CCDC85C: variants seen among roughly 807,000 people sequenced by gnomAD.
The protein encoded by CCDC85C is coiled-coil domain-containing protein 85C.
A neutral mutation model predicts 38.3 loss-of-function variants in CCDC85C; 18 were observed. That is an observed-to-expected ratio of 0.47 (90% confidence interval 0.33 to 0.70). The LOEUF is 0.70. Among genes scored for constraint, CCDC85C ranks in the 30% least tolerant of loss-of-function variants. CCDC85C has a pLI of 0.03. For missense variants in CCDC85C, 566 were observed against 621.2 expected, an observed-to-expected ratio of 0.91 and a Z score of 0.94; for synonymous variants, 264 against 293.8, an observed-to-expected ratio of 0.90 and a Z score of 1.04.
chr14:99,547,217 A>G (rs1179287426), intron 1 of CCDC85C, among the ~76,000 whole-genome samples: 1 of 152,194 alleles, frequency 6.6e-6, no homozygotes, highest in Non-Finnish European at 1.5e-5. Flanking sequence ...AATAATAAAA[A>G]TAACAAAAAC....
At position 99,604,101 on chromosome 14, in the gene CCDC85C, T is replaced by C; in HGVS notation, c.-142A>G. The C allele has an allele frequency of 1.5e-6, 1 of 651,686 alleles. No homozygotes were observed. The highest frequency in any genetic ancestry group is 1.9e-6 in the Non-Finnish European group (1 of 532,726). The allele number at this position is 651,686 out of a possible 1,614,324, so 40.4% of individuals were successfully genotyped here. A position where few individuals can be genotyped will look rare whatever the true frequency, so the allele number is the denominator to read the frequency against. On this transcript the variant is annotated 5_prime_UTR_variant, in exon 1 of 6. Coordinates refer to ENST00000380243, the MANE Select transcript of CCDC85C (RefSeq NM_001144995.2). Reference sequence around the variant, plus strand: ...CCGCCCCGCGCCGCCTGGCGCGTCCTCTCGCCGCGCCCGCCGGGGCCGCCC... The same window carrying C: ...CCGCCCCGCGCCGCCTGGCGCGTCCCCTCGCCGCGCCCGCCGGGGCCGCCC...
At chr14:99,563,181 A>C (rs1306745105) in intron 1 of CCDC85C, among the ~76,000 whole-genome samples, 1 of 152,274 alleles carries the variant, frequency 6.6e-6, no homozygotes, top group Non-Finnish European at 1.5e-5. Context: ...CCCAAGAAGC[A>C]ATAAAACAGA....
intron 1 of CCDC85C, among the ~76,000 whole-genome samples, chr14:99,579,757 G>A (rs2054945141): frequency 6.6e-6 from 1 of 152,172 alleles, no homozygotes; most frequent in South Asian, 2.1e-4. Flanking sequence ...GTCCCCACAT[G>A]TCAGCTCCTG....
Position 99,510,133 on chromosome 14 carries a change from C to T in CCDC85C, c.*5113G>A. 6.3e-7 allele frequency: 1 copy of T among 1,581,754 alleles called. No homozygotes were observed. Among genetic ancestry groups the T allele is most frequent in the Admixed American group, 1.7e-5 (1 of 57,314 alleles). On this transcript the variant is annotated 3_prime_UTR_variant, in exon 6 of 6. Transcript: ENST00000380243. ...GCAACCATTGCTGGCGGAGGCCGGG[C>T]ACTGATGCGTCTCTCTCCTGCAGAC...
At chr14:99,551,914 G>A (rs911619640) in intron 1 of CCDC85C, among the ~76,000 whole-genome samples, 4 of 152,226 alleles carry the variant, frequency 2.6e-5, no homozygotes, top group East Asian at 1.9e-4. Context: ...TGGGACCAGC[G>A]ACAGCAGCCA....
chr14:99,598,223 C>A (rs1382342979), intron 1 of CCDC85C, among the ~76,000 whole-genome samples: 1 of 152,216 alleles, frequency 6.6e-6, no homozygotes, highest in Non-Finnish European at 1.5e-5. Flanking sequence ...TCCCACTTGG[C>A]AAAAGAGAAA....
Position 99,535,941 on chromosome 14 carries a change from G to T in CCDC85C, c.867+74C>A. 8.9e-7 allele frequency: 1 copy of T among 1,127,876 alleles called. No individual in the cohort carries two copies. The highest frequency in any genetic ancestry group is 2.0e-5 in the Admixed American group (1 of 50,318). The allele number at this position is 1,127,876 out of a possible 1,614,324, so 69.9% of individuals were successfully genotyped here. A position where few individuals can be genotyped will look rare whatever the true frequency, so the allele number is the denominator to read the frequency against. On this transcript the variant is annotated intron_variant, in intron 2 of 5. Coordinates refer to ENST00000380243, the MANE Select transcript of CCDC85C (RefSeq NM_001144995.2). The surrounding 1 kb of genome is among the most constrained non-coding windows in gnomAD (Gnocchi z 5.5). Reference sequence around the variant, plus strand: ...GGACAGCCTAGGTCCCAAGGGGAAGGGTGCCCTGGGTGAGCTGGAGGGGTG... The same window carrying T: ...GGACAGCCTAGGTCCCAAGGGGAAGTGTGCCCTGGGTGAGCTGGAGGGGTG...
chr14:99,524,200 C>T (rs4905842), intron 2 of CCDC85C, among the ~76,000 whole-genome samples: 2,090 of 152,158 alleles, frequency 0.014, 14 homozygotes, highest in Non-Finnish European at 0.022. Flanking sequence ...CCAGCACACA[C>T]TCTGAATGCG....
At chr14:99,594,462 C>T (rs1487715969) in intron 1 of CCDC85C, among the ~76,000 whole-genome samples, 3 of 152,222 alleles carry the variant, frequency 2.0e-5, no homozygotes, top group Non-Finnish European at 4.4e-5. Context: ...CAGTGGGACC[C>T]ATGTGGTCAC....
Position 99,572,879 on chromosome 14 carries a change from G to A in CCDC85C, c.793+30288C>T, listed in dbSNP as rs1159900663. 2 of 453,544 alleles carry A rather than the reference G, an allele frequency of 4.4e-6. No homozygotes were observed. Among genetic ancestry groups the A allele is most frequent in the Admixed American group, 4.7e-5 (2 of 42,506 alleles). 28.1% of individuals were successfully genotyped at this position (453,544 alleles called of 1,614,324 possible). ...GTAAACGGCTAAGGAAGGAATGTCT[G>A]CCCAAGTCCCAGGCAGGGTGGGAGG... is the stretch of plus-strand genomic sequence containing the variant. On this transcript the variant is annotated intron_variant, in intron 1 of 5. Transcript: ENST00000380243. This position sits in a 1 kb window ranked among gnomAD's most constrained non-coding sequence, Gnocchi z 4.4.
chr14:99,521,688 G>A (rs373100187), intron 3 of CCDC85C, among the ~76,000 whole-genome samples: 25 of 152,182 alleles, frequency 1.6e-4, no homozygotes, highest in African/African-American at 5.1e-4. Flanking sequence ...TCCACTTCCC[G>A]GGAGCTGGCT....
At chr14:99,578,574 T>C (rs1436999599) in intron 1 of CCDC85C, among the ~76,000 whole-genome samples, 1 of 152,200 alleles carries the variant, frequency 6.6e-6, no homozygotes, top group Admixed American at 6.5e-5. Context: ...CTATGTCCCC[T>C]GTCACTGTGT....
intron 1 of CCDC85C, among the ~76,000 whole-genome samples, chr14:99,542,091 C>G (rs12896255): frequency 0.31 from 47,398 of 152,198 alleles, 7,619 homozygotes; most frequent in South Asian, 0.43. Flanking sequence ...CTGCCCAGCA[C>G]CTCCATGGGC....
At chr14:99,577,607 A>C (rs76640421) in intron 1 of CCDC85C, among the ~76,000 whole-genome samples, 2,024 of 151,978 alleles carry the variant, frequency 0.013, 46 homozygotes, top group African/African-American at 0.046. Flanking sequence ...GAAGGAGTGA[A>C]GTGTGTGTCT....
chr14:99,568,264 T>TTTTTTTTC lies in CCDC85C; in HGVS notation c.794-32177_794-32176insGAAAAAAA, dbSNP rs1898261107. Among the ~76,000 whole-genome samples the TTTTTTTTC allele has an allele frequency of 1.4e-5, 2 of 142,366 alleles. 1 individual carries two copies. Among genetic ancestry groups the TTTTTTTTC allele is most frequent in the Non-Finnish European group, 3.1e-5 (2 of 65,230 alleles). The allele number at this position is 142,366 out of a possible 152,430, so 93.4% of individuals were successfully genotyped here. A position where few individuals can be genotyped will look rare whatever the true frequency, so the allele number is the denominator to read the frequency against. ...ACCTGCCCTTTATTTTTTTTTTTTTTTTTTTTGAGACAAAGTCTCACTCTG... is the reference window on the plus strand; with the variant it reads ...ACCTGCCCTTTATTTTTTTTTTTTTTTTTTTTTCTTTTTTGAGACAAAGTCTCACTCTG... On this transcript the variant is annotated intron_variant, in intron 1 of 5. Coordinates refer to ENST00000380243, the MANE Select transcript of CCDC85C (RefSeq NM_001144995.2).
At position 99,502,644 on chromosome 14, in the gene CCDC85C, A is replaced by G. The variant is rs981692579; in HGVS notation, c.*12602T>C. 2.8e-6 allele frequency: 4 copies of G among 1,429,762 alleles called. No individual in the cohort carries two copies. The highest frequency in any genetic ancestry group is 2.9e-6 in the Non-Finnish European group (3 of 1,029,244). 88.6% of individuals were successfully genotyped at this position (1,429,762 alleles called of 1,614,324 possible). On this transcript the variant is annotated 3_prime_UTR_variant, in exon 6 of 6. Transcript: ENST00000380243. ...CTTAGGTCCTCGTAGGGGTATCATA[A>G]CTGATTCTTTATCCAGGTAAAATTT...
chr14:99,603,930 C>G lies in CCDC85C; in HGVS notation c.30G>C (p.Ala10=). MAKPAATAA[A]ASEELSQVPD... is the part of the protein sequence containing the mutation. ...GCACCTGGCTCAGCTCCTCCGACGC[C>G]GCCGCCGCCGTCGCCGCGGGCTTAG... The change falls in exon 1 of 6, where the codon GCG becomes GCC. Residue 10 remains alanine (A), a synonymous_variant. Transcript: ENST00000380243. This position sits in a 1 kb window ranked among gnomAD's most constrained non-coding sequence, Gnocchi z 7.5. The G allele has an allele frequency of 1.4e-6, 2 of 1,417,524 alleles. No homozygotes were observed. Among genetic ancestry groups the G allele is most frequent in the South Asian group, 3.0e-5 (2 of 67,484 alleles). The allele number at this position is 1,417,524 out of a possible 1,614,324, so 87.8% of individuals were successfully genotyped here.
intron 1 of CCDC85C, among the ~76,000 whole-genome samples, chr14:99,551,913 C>A (rs530711417): frequency 1.6e-4 from 25 of 152,188 alleles, no homozygotes; most frequent in Admixed American, 1.2e-3. Context: ...GTGGGACCAG[C>A]GACAGCAGCC....
chr14:99,531,630 C>G (rs1897496366), intron 2 of CCDC85C, among the ~76,000 whole-genome samples: 1 of 147,756 alleles, frequency 6.8e-6, no homozygotes, highest in African/African-American at 2.5e-5. Flanking sequence ...GGGAGGCTCC[C>G]TACCCTCCCA....
Sources: allele counts gnomAD v4.1 joint callset (sites outside exome capture counted in the v4.1 genomes callset), GRCh38; gene constraint gnomAD v4.1.1; non-coding constraint Gnocchi (gnomAD v3.1); transcripts MANE v1.5; gene names NCBI Gene and HGNC (gene_info 2026-07-23, HGNC 2026-07-21).